The following ATXN1 variants were observed in gnomAD, a reference collection of about 807,000 sequenced individuals.
The protein encoded by ATXN1 is ataxin 1, also known as ataxin-1.
A neutral mutation model predicts 56.4 loss-of-function variants in ATXN1; 8 were observed. That is an observed-to-expected ratio of 0.14 (90% CI 0.08 to 0.26). ATXN1 has a LOEUF of 0.26. Ranked by LOEUF, ATXN1 falls within the 10% of genes least tolerant of loss-of-function variation. ATXN1 has a pLI of 1.00. For synonymous variants in ATXN1, 514 were observed against 494.6 expected (o/e 1.04, Z -0.52); for missense variants, 987 against 1,106.5 (o/e 0.89, Z 1.53).
At chr6:16,587,704 G>A (rs1031531769) in intron 3 of ATXN1, among the ~76,000 whole-genome samples, 9 of 151,924 alleles carry the variant, frequency 5.9e-5, no homozygotes, top group African/African-American at 1.2e-4. Context: ...GGGCCAAGGC[G>A]GGAGGATCAC....
chr6:16,758,845 T>C (rs1760967909), intron 1 of ATXN1, among the ~76,000 whole-genome samples: 1 of 152,212 alleles, frequency 6.6e-6, no homozygotes, highest in East Asian at 1.9e-4. Context: ...AAATATTGAC[T>C]GATGCATGCA....
chr6:16,442,993 C>T (rs1432720101), intron 6 of ATXN1, among the ~76,000 whole-genome samples: 1 of 151,716 alleles, frequency 6.6e-6, no homozygotes, highest in Admixed American at 6.6e-5. Context: ...GCCCGGGTGA[C>T]AGAGCAAGGC....
At chr6:16,413,681 A>C (rs989847245) in intron 6 of ATXN1, among the ~76,000 whole-genome samples, 2 of 152,324 alleles carry the variant, frequency 1.3e-5, no homozygotes, top group Middle Eastern at 3.4e-3. Context: ...CTGCATGTTA[A>C]TCACTACTTT....
chr6:16,634,477 T>A (rs982620009), intron 3 of ATXN1, among the ~76,000 whole-genome samples: 1 of 152,182 alleles, frequency 6.6e-6, no homozygotes, highest in Non-Finnish European at 1.5e-5. Context: ...AACTCAAATG[T>A]TTTTTAGTAT....
intron 2 of ATXN1, among the ~76,000 whole-genome samples, chr6:16,691,078 G>A (rs956866172): frequency 6.6e-6 from 1 of 152,206 alleles, no homozygotes; most frequent in Non-Finnish European, 1.5e-5. Flanking sequence ...AATGCATGTC[G>A]AAATGACATG....
At chr6:16,390,771 C>T (rs1581731222) in intron 6 of ATXN1, among the ~76,000 whole-genome samples, 1 of 151,956 alleles carries the variant, frequency 6.6e-6, no homozygotes, top group African/African-American at 2.4e-5. Context: ...CCGTAAGTGT[C>T]GGTTCTAGTT....
rs373825897 is a variant in ATXN1, at chr6:16,422,455, G to A, written c.-161+63517C>T. On this transcript the variant is annotated intron_variant, in intron 6 of 7. Coordinates refer to ENST00000436367, the MANE Select transcript of ATXN1 (RefSeq NM_001128164.2). ...GACAGCCATAACTGCATTTATTTAC[G>A]TCCCTGCTCTTTGACTTGAAAAGTT... Among the ~76,000 whole-genome samples, 56 of 152,168 alleles carry A rather than the reference G, an allele frequency of 3.7e-4. No homozygotes were observed. In the South Asian group the frequency reaches 6.8e-3, roughly 19 times the overall value.
intron 7 of ATXN1, among the ~76,000 whole-genome samples, chr6:16,315,485 C>G (rs1760488258): frequency 6.6e-6 from 1 of 152,180 alleles, no homozygotes; most frequent in South Asian, 2.1e-4. Flanking sequence ...TACACTGTAG[C>G]AACAGTGGTC....
chr6:16,630,564 G>A (rs1763487052), intron 3 of ATXN1, among the ~76,000 whole-genome samples: 1 of 152,128 alleles, frequency 6.6e-6, no homozygotes, highest in Admixed American at 6.6e-5. Flanking sequence ...AGAGCCTCCT[G>A]CAAGTCATCA....
intron 7 of ATXN1, among the ~76,000 whole-genome samples, chr6:16,317,875 T>C (rs1172080651): frequency 3.9e-5 from 6 of 152,212 alleles, no homozygotes; most frequent in African/African-American, 1.4e-4. Flanking sequence ...CCATTTTGGA[T>C]GGACGAACCT....
chr6:16,376,934 T>C (rs1762151787), intron 6 of ATXN1, among the ~76,000 whole-genome samples: 1 of 152,236 alleles, frequency 6.6e-6, no homozygotes, highest in Non-Finnish European at 1.5e-5. Context: ...GTAAGGAGTA[T>C]ACAAAGATAT....
At chr6:16,510,351 C>T (rs985614016) in intron 5 of ATXN1, among the ~76,000 whole-genome samples, 5 of 152,222 alleles carry the variant, frequency 3.3e-5, no homozygotes, top group Non-Finnish European at 5.9e-5. Context: ...TCATCTCATA[C>T]TTGACTGGTT....
At chr6:16,650,509 A>G (rs2113829801) in intron 3 of ATXN1, among the ~76,000 whole-genome samples, 1 of 152,354 alleles carries the variant, frequency 6.6e-6, no homozygotes. Context: ...GTGGATAGGC[A>G]TAGATTTTTG....
At chr6:16,657,358 C>T (rs1758228379) in intron 3 of ATXN1, among the ~76,000 whole-genome samples, 1 of 152,172 alleles carries the variant, frequency 6.6e-6, no homozygotes, top group South Asian at 2.1e-4. Flanking sequence ...TTATGTGGCA[C>T]ATGACTGTAT....
rs150230683 is a variant in ATXN1, at chr6:16,642,349, C to T, written c.-489+15427G>A. Among the ~76,000 whole-genome samples, 886 of 152,232 alleles carry T rather than the reference C, an allele frequency of 5.8e-3. 7 individuals carry two copies. The highest frequency in any genetic ancestry group is 0.02 in the African/African-American group (829 of 41,538). On this transcript the variant is annotated intron_variant, in intron 3 of 7. Transcript: ENST00000436367. The stretch of plus-strand genomic sequence containing the variant: ...GGTGGAGGTTGCAGTGAGCCGAGAT[C>T]GCGCCACTGCACTCCAGCCTGGGTG...
chr6:16,460,285 T>C (rs536041082), intron 6 of ATXN1, among the ~76,000 whole-genome samples: 1 of 152,170 alleles, frequency 6.6e-6, no homozygotes, highest in East Asian at 1.9e-4. Context: ...CGGGAATAGC[T>C]CTTGGAGTCC....
chr6:16,373,679 A>G (rs1464347618), intron 6 of ATXN1, among the ~76,000 whole-genome samples: 1 of 152,180 alleles, frequency 6.6e-6, no homozygotes, highest in Admixed American at 6.5e-5. Context: ...TGATTGTTTT[A>G]TAAGAGGTTT....
At chr6:16,673,130 C>A (rs1169832705) in intron 2 of ATXN1, among the ~76,000 whole-genome samples, 1 of 152,002 alleles carries the variant, frequency 6.6e-6, no homozygotes, top group Non-Finnish European at 1.5e-5. Flanking sequence ...TTGATTTCAG[C>A]CTGGTGAGAC....
chr6:16,467,714 TATC>T (rs1362660009), intron 6 of ATXN1, among the ~76,000 whole-genome samples: 4 of 152,334 alleles, frequency 2.6e-5, no homozygotes, highest in South Asian at 2.1e-4. Flanking sequence ...ATATTGCAAT[TATC>T]ATTGTTGTAG....
Sources: allele counts gnomAD v4.1 joint callset (sites outside exome capture counted in the v4.1 genomes callset), GRCh38; gene constraint gnomAD v4.1.1; transcripts MANE v1.5; gene names NCBI Gene and HGNC (gene_info 2026-07-23, HGNC 2026-07-21).